The following DGKB variants were observed in gnomAD, a reference collection of about 807,000 sequenced individuals.
DGKB encodes the protein 90 kDa diacylglycerol kinase.
Under a neutral mutation model 114.3 loss-of-function variants are expected in DGKB, and 67 were observed. The observed-to-expected ratio is 0.59, with a 90% CI of 0.48 to 0.72. DGKB has a LOEUF of 0.72. Ranked by LOEUF, DGKB falls within the 30% of genes least tolerant of loss-of-function variation. The pLI is 0.00. For missense variants in DGKB, 907 were observed against 975.2 expected (o/e 0.93, Z 0.93); for synonymous variants, 398 against 323.1 (o/e 1.23, Z -2.49).
At chr7:14,656,812 AAAAAATCCCTTTAAGTAT>A (rs1192577495) in intron 13 of DGKB, among the ~76,000 whole-genome samples, 1 of 151,362 alleles carries the variant, frequency 6.6e-6, no homozygotes, top group Middle Eastern at 3.2e-3. Flanking sequence ...ATCCCTGTTT[AAAAAATCCCTTTAAGTAT>A]ACAACTCTAC....
chr7:14,630,245 T>A lies in DGKB; in HGVS notation c.1158A>T (p.Ser386=), dbSNP rs771900300. ...VVLTLPTSGV[S]VPEERQSTVK... is the part of the protein sequence containing the mutation. ...GTTTTTGCTTACGCACCTCAGGAAC[T>A]GAAACTCCTGAAGTGGGCAGAGTCT... Residue 386 remains serine, a synonymous_variant, in exon 14 of 26, where the codon TCA becomes TCT. Transcript: ENST00000402815. The A allele has an allele frequency of 2.6e-6, 4 of 1,557,318 alleles. No homozygotes were observed. The East Asian group carries it at 9.5e-5, about 37-fold the overall frequency.
At chr7:14,164,743 G>C (rs765227618) in intron 25 of DGKB, among the ~76,000 whole-genome samples, 2 of 152,066 alleles carry the variant, frequency 1.3e-5, no homozygotes, top group Non-Finnish European at 2.9e-5. Context: ...AGAATAACAT[G>C]GGTTTAACTT....
At chr7:14,328,031 C>T (rs1265269409) in intron 23 of DGKB, among the ~76,000 whole-genome samples, 4 of 151,954 alleles carry the variant, frequency 2.6e-5, no homozygotes, top group Non-Finnish European at 5.9e-5. Context: ...TTTGAAAAGA[C>T]GTTTTATCAC....
chr7:14,788,028 T>C (rs984171384), intron 2 of DGKB, among the ~76,000 whole-genome samples: 1 of 151,888 alleles, frequency 6.6e-6, no homozygotes, highest in Non-Finnish European at 1.5e-5. Context: ...GACAGGAGAG[T>C]AAAGACAAGG....
chr7:14,710,758 T>C (rs1273131590), intron 6 of DGKB, among the ~76,000 whole-genome samples: 1 of 152,148 alleles, frequency 6.6e-6, no homozygotes, highest in African/African-American at 2.4e-5. Context: ...TAAAATACTT[T>C]TATGATTTTC....
intron 20 of DGKB, among the ~76,000 whole-genome samples, chr7:14,479,021 G>A (rs1782607915): frequency 6.6e-6 from 1 of 151,978 alleles, no homozygotes; most frequent in African/African-American, 2.4e-5. Flanking sequence ...TGCTCCAACT[G>A]ACTCTAAACA....
At chr7:14,328,127 A>G (rs1354467939) in intron 23 of DGKB, among the ~76,000 whole-genome samples, 1 of 152,126 alleles carries the variant, frequency 6.6e-6, no homozygotes, top group Non-Finnish European at 1.5e-5. Flanking sequence ...CTATTCTTCT[A>G]ACAGGATACT....
chr7:14,510,494 C>A (rs1787827352), intron 20 of DGKB, among the ~76,000 whole-genome samples: 1 of 152,108 alleles, frequency 6.6e-6, no homozygotes, highest in South Asian at 2.1e-4. Context: ...TCTTCAGGCT[C>A]CATTTCTTAT....
At chr7:14,216,349 GTACTGTTA>G (rs1788956858) in intron 23 of DGKB, among the ~76,000 whole-genome samples, 1 of 152,022 alleles carries the variant, frequency 6.6e-6, no homozygotes, top group Admixed American at 6.6e-5. Flanking sequence ...TCACACTAGT[GTACTGTTA>G]TATGTCATGA....
chr7:14,319,957 A>G (rs781738666), intron 23 of DGKB, among the ~76,000 whole-genome samples: 4 of 152,170 alleles, frequency 2.6e-5, no homozygotes, highest in Non-Finnish European at 5.9e-5. Flanking sequence ...TACTCTCTAT[A>G]CAAAGGATAA....
chr7:14,900,113 T>C (rs2128236531), intron 1 of DGKB, among the ~76,000 whole-genome samples: 1 of 152,278 alleles, frequency 6.6e-6, no homozygotes, highest in African/African-American at 2.4e-5. Context: ...TACTACTCAT[T>C]CGTTGTGTGA....
At chr7:14,689,422 C>G (rs1822420204) in intron 9 of DGKB, among the ~76,000 whole-genome samples, 1 of 151,844 alleles carries the variant, frequency 6.6e-6, no homozygotes, top group South Asian at 2.1e-4. Flanking sequence ...CCGCCCGCCT[C>G]GGCCTCCCAA....
At chr7:14,827,585 A>G (rs1007365984) in intron 2 of DGKB, among the ~76,000 whole-genome samples, 1 of 152,156 alleles carries the variant, frequency 6.6e-6, no homozygotes, top group African/African-American at 2.4e-5. Context: ...TATCAGATTT[A>G]TCCCTCAAAG....
chr7:14,848,390 G>C (rs1848921535), intron 1 of DGKB, among the ~76,000 whole-genome samples: 2 of 152,158 alleles, frequency 1.3e-5, no homozygotes, highest in Non-Finnish European at 2.9e-5. Flanking sequence ...GATGAGAACA[G>C]AAAAATCACT....
intron 6 of DGKB, among the ~76,000 whole-genome samples, chr7:14,714,713 CTAT>C (rs1175397996): frequency 6.6e-6 from 1 of 152,118 alleles, no homozygotes; most frequent in East Asian, 1.9e-4. Flanking sequence ...TTGAGTAGAG[CTAT>C]AACCCAAAGA....
Position 14,949,552 on chromosome 7 carries a change from T to G in DGKB, c.-188+25144A>C, listed in dbSNP as rs142862203. On this transcript the variant is annotated intron_variant, in intron 1 of 4. Coordinates refer to the DGKB transcript ENST00000437998. Reference sequence around the variant, plus strand: ...GAAATCAATATATGTATAACAGAAGTAATAAGAGTGGAGGAGATTTAGAAG... The same window carrying G: ...GAAATCAATATATGTATAACAGAAGGAATAAGAGTGGAGGAGATTTAGAAG... Among the ~76,000 whole-genome samples the G allele has an allele frequency of 6.2e-4, 94 of 151,922 alleles. No individual in the cohort carries two copies. The East Asian group carries it at 0.016, about 26-fold the overall frequency.
chr7:14,874,907 A>T (rs1642284080), intron 1 of DGKB, among the ~76,000 whole-genome samples: 1 of 152,134 alleles, frequency 6.6e-6, no homozygotes, highest in Admixed American at 6.6e-5. Context: ...GCTTTACAGT[A>T]TCTTCCCTTC....
intron 13 of DGKB, among the ~76,000 whole-genome samples, chr7:14,660,574 A>G (rs1193518609): frequency 6.6e-6 from 1 of 151,506 alleles, no homozygotes; most frequent in Non-Finnish European, 1.5e-5. Context: ...TATCCCCTTT[A>G]TCATTTTTAT....
intron 25 of DGKB, among the ~76,000 whole-genome samples, chr7:14,153,695 ACATT>A (rs1421635446): frequency 1.3e-5 from 2 of 151,960 alleles, no homozygotes; most frequent in African/African-American, 4.8e-5. Flanking sequence ...CTTAAATCAC[ACATT>A]ATTGTAAAAT....
Sources: gnomAD v4.1 joint callset for allele counts (sites outside exome capture counted in the v4.1 genomes callset) on GRCh38, gnomAD v4.1.1 for gene constraint, MANE v1.5 for transcripts, NCBI Gene and HGNC (gene_info 2026-07-23, HGNC 2026-07-21) for gene names.